CSMD1: variants seen among roughly 807,000 people sequenced by gnomAD.
The protein encoded by CSMD1 is CUB and sushi domain-containing protein 1.
In CSMD1, 213 loss-of-function variants were observed where a neutral mutation model predicts 417.5. That is an observed-to-expected ratio of 0.51 (90% confidence interval 0.46 to 0.57). CSMD1 has a LOEUF of 0.57. Ranked by LOEUF, CSMD1 falls within the 20% of genes least tolerant of loss-of-function variation. The pLI, the probability that CSMD1 is intolerant of heterozygous loss-of-function variation, is 0.00. For missense variants in CSMD1, 6,923 were observed against 4,529.7 expected (o/e 1.53, Z -15.17); for synonymous variants, 2,862 against 1,736.8 (o/e 1.65, Z -16.11).
chr8:4,234,902 T>A (rs1267323918), intron 3 of CSMD1, among the ~76,000 whole-genome samples: 1 of 152,138 alleles, frequency 6.6e-6, no homozygotes, highest in East Asian at 1.9e-4. Flanking sequence ...AAAACAGAAA[T>A]AGACCTCTGT....
Position 4,685,863 on chromosome 8 carries a change from G to A in CSMD1, c.86-48305C>T, listed in dbSNP as rs147895412. On this transcript the variant is annotated intron_variant, in intron 1 of 69. Transcript: ENST00000635120. Reference sequence around the variant, plus strand: ...TATTTATAGGTTTGCTAAAAGAGAGGTTGATTTCCCTTTGGGCCATGGCCA... The same window carrying A: ...TATTTATAGGTTTGCTAAAAGAGAGATTGATTTCCCTTTGGGCCATGGCCA... Among the ~76,000 whole-genome samples, 369 of 152,268 alleles carry A rather than the reference G, an allele frequency of 2.4e-3. 5 individuals carry two copies. The highest frequency in any genetic ancestry group is 8.6e-3 in the African/African-American group (359 of 41,556).
intron 3 of CSMD1, among the ~76,000 whole-genome samples, chr8:4,062,896 G>A (rs895781854): frequency 1.4e-5 from 2 of 145,322 alleles, no homozygotes; most frequent in Non-Finnish European, 3.0e-5. Context: ...GTAAACTGCA[G>A]CAATATTACT....
intron 3 of CSMD1, among the ~76,000 whole-genome samples, chr8:4,306,743 G>A (rs964323381): frequency 2.6e-5 from 4 of 151,970 alleles, no homozygotes; most frequent in South Asian, 2.1e-4. Context: ...GTGCCCGACC[G>A]CAGCAGGGTA....
At chr8:4,160,404 C>CGA (rs1563203755) in intron 3 of CSMD1, among the ~76,000 whole-genome samples, 2 of 152,188 alleles carry the variant, frequency 1.3e-5, no homozygotes, top group Admixed American at 6.5e-5. Context: ...TATATATACG[C>CGA]AACTTTAAAT....
At chr8:3,481,272 G>T (rs183838855) in intron 11 of CSMD1, among the ~76,000 whole-genome samples, 1 of 151,234 alleles carries the variant, frequency 6.6e-6, no homozygotes, top group South Asian at 2.1e-4. Context: ...ACTTTTACCT[G>T]TGTTTTCAAA....
At chr8:4,753,845 T>A (rs571434071) in intron 1 of CSMD1, among the ~76,000 whole-genome samples, 55 of 152,218 alleles carry the variant, frequency 3.6e-4, no homozygotes, top group Non-Finnish European at 6.2e-4. Flanking sequence ...CGCACTGTGA[T>A]AATTGAACTA....
chr8:3,551,737 T>C (rs774083529), intron 10 of CSMD1, among the ~76,000 whole-genome samples: 36 of 152,158 alleles, frequency 2.4e-4, no homozygotes, highest in Non-Finnish European at 4.3e-4. Flanking sequence ...GTCATATCAC[T>C]TGTATACTAA....
At chr8:4,190,971 G>C (rs879409839) in intron 3 of CSMD1, among the ~76,000 whole-genome samples, 12 of 152,106 alleles carry the variant, frequency 7.9e-5, no homozygotes, top group African/African-American at 2.7e-4. Flanking sequence ...GCGGGGAAGG[G>C]AGAGGATCAG....
At chr8:4,481,058 G>A (rs2130128308) in intron 2 of CSMD1, among the ~76,000 whole-genome samples, 1 of 152,308 alleles carries the variant, frequency 6.6e-6, no homozygotes, top group Non-Finnish European at 1.5e-5. Flanking sequence ...GACAAGATAT[G>A]AATATATCTA....
chr8:4,969,153 A>G (rs1399420537), intron 1 of CSMD1, among the ~76,000 whole-genome samples: 7 of 152,000 alleles, frequency 4.6e-5, no homozygotes, highest in Non-Finnish European at 7.4e-5. Flanking sequence ...ACTTTATTAT[A>G]CCATTATCAT....
At chr8:3,481,216 T>G (rs568522900) in intron 11 of CSMD1, among the ~76,000 whole-genome samples, 56 of 143,918 alleles carry the variant, frequency 3.9e-4, no homozygotes, top group Non-Finnish European at 7.4e-4. Context: ...AATGGTTGGC[T>G]CAAGAACATT....
chr8:4,929,873 G>A (rs1490453190), intron 1 of CSMD1, among the ~76,000 whole-genome samples: 1 of 152,162 alleles, frequency 6.6e-6, no homozygotes, highest in Non-Finnish European at 1.5e-5. Flanking sequence ...AAAGGCACTT[G>A]GCACCACAGA....
intron 7 of CSMD1, among the ~76,000 whole-genome samples, chr8:3,705,445 A>T (rs1040442368): frequency 6.6e-6 from 1 of 152,164 alleles, no homozygotes; most frequent in African/African-American, 2.4e-5. Flanking sequence ...ACTGGATGAA[A>T]ACTTCTTAAC....
At chr8:4,485,543 T>A (rs1351822106) in intron 2 of CSMD1, among the ~76,000 whole-genome samples, 2 of 152,190 alleles carry the variant, frequency 1.3e-5, no homozygotes, top group Non-Finnish European at 2.9e-5. Flanking sequence ...AATGGCAATA[T>A]TCTTATAATT....
At chr8:4,615,926 C>T (rs116553517) in intron 2 of CSMD1, among the ~76,000 whole-genome samples, 31 of 152,214 alleles carry the variant, frequency 2.0e-4, no homozygotes, top group African/African-American at 7.0e-4. Context: ...TACAGTGCCC[C>T]TTTCAAAACT....
At chr8:4,042,581 A>G (rs916900998) in intron 3 of CSMD1, among the ~76,000 whole-genome samples, 15 of 152,050 alleles carry the variant, frequency 9.9e-5, no homozygotes, top group Admixed American at 2.6e-4. Context: ...ATAGCATAGT[A>G]AGGAATTCCA....
chr8:4,776,719 T>C (rs1796873230), intron 1 of CSMD1, among the ~76,000 whole-genome samples: 1 of 152,214 alleles, frequency 6.6e-6, no homozygotes, highest in African/African-American at 2.4e-5. Context: ...CCAATTTTAA[T>C]TTTGTAGCAA....
At chr8:4,260,951 T>C (rs1803838124) in intron 3 of CSMD1, among the ~76,000 whole-genome samples, 1 of 152,206 alleles carries the variant, frequency 6.6e-6, no homozygotes, top group African/African-American at 2.4e-5. Flanking sequence ...TTTTCTACTC[T>C]ACCTTTACTC....
chr8:4,605,947 G>C (rs1395916519), intron 2 of CSMD1, among the ~76,000 whole-genome samples: 2 of 152,130 alleles, frequency 1.3e-5, no homozygotes, highest in African/African-American at 4.8e-5. Context: ...ACGAGGATGT[G>C]TCTAAGCTAG....
Sources: gnomAD v4.1 joint callset for allele counts (sites outside exome capture counted in the v4.1 genomes callset) on GRCh38, gnomAD v4.1.1 for gene constraint, MANE v1.5 for transcripts, NCBI Gene and HGNC (gene_info 2026-07-23, HGNC 2026-07-21) for gene names.